GNAT3: variants seen among roughly 807,000 people sequenced by gnomAD.
The protein encoded by GNAT3 is G protein subunit alpha transducin 3, also known as guanine nucleotide-binding protein G(t) subunit alpha-3.
A neutral mutation model predicts 37.7 loss-of-function variants in GNAT3; 31 were observed. That is an observed-to-expected ratio of 0.82 (90% confidence interval 0.62 to 1.11). The LOEUF (loss-of-function observed/expected upper bound fraction) is 1.11, where lower values mean the gene tolerates loss of function less well. Among genes scored for constraint, GNAT3 ranks in the 50% most tolerant of loss-of-function variants. The pLI, the probability that GNAT3 is intolerant of heterozygous loss-of-function variation, is 0.00. For synonymous variants in GNAT3, 138 were observed against 139.8 expected (o/e 0.99, Z 0.09); for missense variants, 437 against 412.5 (o/e 1.06, Z -0.51).
At chr7:80,480,621 T>C (rs1280686162) in intron 3 of GNAT3, among the ~76,000 whole-genome samples, 1 of 152,152 alleles carries the variant, frequency 6.6e-6, no homozygotes, top group Non-Finnish European at 1.5e-5. Flanking sequence ...TTGTGGTTTC[T>C]TGATGATATG....
intron 4 of GNAT3, among the ~76,000 whole-genome samples, chr7:80,474,723 T>C (rs1392688311): frequency 6.6e-6 from 1 of 152,128 alleles, no homozygotes. Context: ...GTATTTTATG[T>C]GGTTTGTGTG....
chr7:80,502,136 C>A (rs923097514), intron 1 of GNAT3, among the ~76,000 whole-genome samples: 5 of 151,784 alleles, frequency 3.3e-5, no homozygotes, highest in Non-Finnish European at 5.9e-5. Flanking sequence ...ATAATAGTGA[C>A]AATAAATAAG....
chr7:80,488,688 A>G lies in GNAT3; in HGVS notation c.162-12T>C, dbSNP rs6467212. The G allele has an allele frequency of 0.1, 161,734 of 1,551,694 alleles. 9,282 individuals carry two copies. The highest frequency in any genetic ancestry group is 0.19 in the African/African-American group (14,156 of 73,828). On this transcript the variant is annotated splice_polypyrimidine_tract_variant and intron_variant, in intron 2 of 7. Coordinates refer to ENST00000398291, the MANE Select transcript of GNAT3 (RefSeq NM_001102386.3). ...TCTTATGGATGATCCTATAATTTAA[A>G]CATGAAAAGTTTCTGTGAGTTGAAT...
At chr7:80,508,698 G>A (rs1790998410) in intron 1 of GNAT3, among the ~76,000 whole-genome samples, 1 of 151,980 alleles carries the variant, frequency 6.6e-6, no homozygotes, top group South Asian at 2.1e-4. Flanking sequence ...TCTGAAAGGT[G>A]TAATAAAAAA....
chr7:80,476,164 A>G lies in GNAT3; in HGVS notation c.462-1785T>C, dbSNP rs118144608. Among the ~76,000 whole-genome samples the G allele has an allele frequency of 9.5e-3, 1,441 of 152,060 alleles. 13 individuals carry two copies. Among genetic ancestry groups the G allele is most frequent in the Middle Eastern group, 0.014 (4 of 294 alleles). On this transcript the variant is annotated intron_variant, in intron 4 of 7. Coordinates refer to ENST00000398291, the MANE Select transcript of GNAT3 (RefSeq NM_001102386.3). ...TGATACCTAAATGAAAACCTTGGTA[A>G]GGACACATTTATTTGCATGTATGAA... is the stretch of plus-strand genomic sequence containing the variant.
chr7:80,507,532 C>T (rs963289800), intron 1 of GNAT3, among the ~76,000 whole-genome samples: 1 of 151,878 alleles, frequency 6.6e-6, no homozygotes, highest in East Asian at 1.9e-4. Flanking sequence ...TAGATCTTTA[C>T]AAGTTACAAA....
intron 1 of GNAT3, among the ~76,000 whole-genome samples, chr7:80,505,370 T>G (rs772953799): frequency 5.9e-5 from 9 of 152,136 alleles, no homozygotes; most frequent in East Asian, 1.9e-4. Context: ...TTTAAATTTA[T>G]TTTTCTTTAT....
intron 7 of GNAT3, among the ~76,000 whole-genome samples, chr7:80,460,149 A>T (rs1348797421): frequency 1.3e-5 from 2 of 152,118 alleles, no homozygotes; most frequent in Non-Finnish European, 2.9e-5. Context: ...GGAATAAAAA[A>T]ATTAGCTATC....
intron 5 of GNAT3, among the ~76,000 whole-genome samples, chr7:80,472,283 G>A (rs1377213797): frequency 6.6e-6 from 1 of 152,008 alleles, no homozygotes; most frequent in Admixed American, 6.6e-5. Context: ...CCATGGTGGG[G>A]TTATTTGCAC....
intron 1 of GNAT3, among the ~76,000 whole-genome samples, chr7:80,497,993 T>C (rs1324405183): frequency 6.6e-6 from 1 of 152,142 alleles, no homozygotes. Context: ...TATCAGCATA[T>C]GTATTATAGA....
chr7:80,498,881 T>C (rs1380954490), intron 1 of GNAT3, among the ~76,000 whole-genome samples: 1 of 152,136 alleles, frequency 6.6e-6, no homozygotes, highest in Non-Finnish European at 1.5e-5. Flanking sequence ...TTATTTTATT[T>C]TTAATAAGAA....
At chr7:80,475,306 A>G (rs1175892862) in intron 4 of GNAT3, among the ~76,000 whole-genome samples, 3 of 151,760 alleles carry the variant, frequency 2.0e-5, no homozygotes, top group Non-Finnish European at 2.9e-5. Flanking sequence ...AAATTAGAGG[A>G]AAAAAAACCT....
At chr7:80,485,812 AT>A (rs1048224733) in intron 3 of GNAT3, among the ~76,000 whole-genome samples, 1 of 152,146 alleles carries the variant, frequency 6.6e-6, no homozygotes, top group Admixed American at 6.6e-5. Context: ...TATATAGTGG[AT>A]TTCTTATGTT....
At chr7:80,490,683 T>C (rs1452189850) in intron 2 of GNAT3, among the ~76,000 whole-genome samples, 1 of 152,218 alleles carries the variant, frequency 6.6e-6, no homozygotes, top group Non-Finnish European at 1.5e-5. Flanking sequence ...TCATCTGTCT[T>C]ATTTCTTACA....
chr7:80,490,056 C>T (rs1026028254), intron 2 of GNAT3, among the ~76,000 whole-genome samples: 1 of 152,102 alleles, frequency 6.6e-6, no homozygotes, highest in Non-Finnish European at 1.5e-5. Context: ...AGATAGAGCA[C>T]TCCAACTGCA....
chr7:80,462,451 A>C, intron 6 of GNAT3, 51 bp downstream of exon 6: 2 of 1,601,992 alleles, frequency 1.2e-6, no homozygotes, highest in African/African-American at 2.7e-5. Context: ...GTACTACTGA[A>C]AAGCACAAAG....
At chr7:80,486,093 A>G (rs1160739062) in intron 3 of GNAT3, among the ~76,000 whole-genome samples, 1 of 152,214 alleles carries the variant, frequency 6.6e-6, no homozygotes, top group Non-Finnish European at 1.5e-5. Flanking sequence ...AGTGTTTAGC[A>G]ATCAATCTGT....
chr7:80,489,927 G>A (rs1790559328), intron 2 of GNAT3, among the ~76,000 whole-genome samples: 1 of 152,072 alleles, frequency 6.6e-6, no homozygotes, highest in African/African-American at 2.4e-5. Context: ...ATTACTATGA[G>A]AAGATGAAGA....
In GNAT3 at chr7:80,462,493, T is replaced by C. The variant is rs1473026796; in HGVS notation, c.720+9A>G. On this transcript the variant is annotated intron_variant, in intron 6 of 7. Coordinates refer to ENST00000398291, the MANE Select transcript of GNAT3 (RefSeq NM_001102386.3). The stretch of plus-strand genomic sequence containing the variant: ...TTTAACCCTGGCTTTGTTTTTCCTT[T>C]AGACTTACCACTTCTTCGTCTTCCA... The C allele has an allele frequency of 6.2e-7, 1 of 1,612,368 alleles. No individual in the cohort carries two copies. The highest frequency in any genetic ancestry group is 2.2e-5 in the East Asian group (1 of 44,852).
Sources: gnomAD v4.1 joint callset for allele counts (sites outside exome capture counted in the v4.1 genomes callset) on GRCh38, gnomAD v4.1.1 for gene constraint, MANE v1.5 for transcripts, NCBI Gene and HGNC (gene_info 2026-07-23, HGNC 2026-07-21) for gene names.